CACNA2D3: variants seen among roughly 807,000 people sequenced by gnomAD.
CACNA2D3 encodes the protein voltage-dependent calcium channel subunit alpha-2/delta-3.
In CACNA2D3, 60 loss-of-function variants were observed where a neutral mutation model predicts 160.6. The observed-to-expected ratio is 0.37, with a 90% confidence interval of 0.30 to 0.46. The LOEUF is 0.46. Among genes scored for constraint, CACNA2D3 ranks in the 20% least tolerant of loss-of-function variants. The probability of loss-of-function intolerance (pLI) is 1.00; values close to 1 mark genes in which losing one functional copy is unlikely to be tolerated. For synonymous variants in CACNA2D3, 558 were observed against 492.9 expected, an observed-to-expected ratio of 1.13 and a Z score of -1.75; for missense variants, 1,205 against 1,365.0, an observed-to-expected ratio of 0.88 and a Z score of 1.85.
intron 13 of CACNA2D3, among the ~76,000 whole-genome samples, chr3:54,801,320 G>C (rs1702981555): frequency 6.6e-6 from 1 of 152,114 alleles, no homozygotes; most frequent in Non-Finnish European, 1.5e-5. Flanking sequence ...GTGTTGGCTT[G>C]GCGGGGGTGG....
chr3:54,432,865 A>T (rs989810836), intron 4 of CACNA2D3, among the ~76,000 whole-genome samples: 1 of 152,020 alleles, frequency 6.6e-6, no homozygotes, highest in African/African-American at 2.4e-5. Context: ...TCTGAGTTCC[A>T]ATCTCCATGT....
chr3:54,340,402 T>C (rs1704490178), intron 3 of CACNA2D3, among the ~76,000 whole-genome samples: 1 of 152,214 alleles, frequency 6.6e-6, no homozygotes, highest in South Asian at 2.1e-4. Context: ...TGCAGACTTG[T>C]TATAGTATTT....
intron 35 of CACNA2D3, among the ~76,000 whole-genome samples, chr3:55,043,766 C>T (rs931598990): frequency 3.9e-5 from 6 of 152,086 alleles, no homozygotes; most frequent in South Asian, 2.1e-4. Context: ...ATTTTATACT[C>T]GTCAGCTTTA....
At chr3:54,158,187 T>A (rs2107292844) in intron 2 of CACNA2D3, among the ~76,000 whole-genome samples, 1 of 152,254 alleles carries the variant, frequency 6.6e-6, no homozygotes. Flanking sequence ...GGCATTTTAT[T>A]TGGCCTCTCT....
At chr3:55,069,033 A>G (rs1419801781) in intron 35 of CACNA2D3, among the ~76,000 whole-genome samples, 3 of 152,168 alleles carry the variant, frequency 2.0e-5, no homozygotes, top group Admixed American at 6.5e-5. Flanking sequence ...TTAAATTTTT[A>G]CCCATGTCCT....
At chr3:54,715,990 C>T (rs933611767) in intron 11 of CACNA2D3, among the ~76,000 whole-genome samples, 11 of 151,902 alleles carry the variant, frequency 7.2e-5, no homozygotes, top group Non-Finnish European at 4.4e-5. Context: ...GCAGGGATGG[C>T]GATAGATGTG....
At chr3:54,212,323 T>G (rs755258863) in intron 2 of CACNA2D3, among the ~76,000 whole-genome samples, 1 of 152,102 alleles carries the variant, frequency 6.6e-6, no homozygotes, top group Non-Finnish European at 1.5e-5. Context: ...CAACTCGAAG[T>G]GGTGGGACAA....
At chr3:54,406,348 A>G (rs933608732) in intron 4 of CACNA2D3, among the ~76,000 whole-genome samples, 3 of 152,106 alleles carry the variant, frequency 2.0e-5, no homozygotes, top group African/African-American at 7.2e-5. Flanking sequence ...ATATATATGT[A>G]TATAGTGTGT....
intron 2 of CACNA2D3, among the ~76,000 whole-genome samples, chr3:54,165,600 TAAAA>T (rs373085382): frequency 1.1e-5 from 1 of 93,424 alleles, no homozygotes; most frequent in African/African-American, 4.0e-5. Flanking sequence ...GTTCCATCTC[TAAAA>T]AAAAAAAAAA....
At chr3:54,287,054 T>C (rs867138320) in intron 2 of CACNA2D3, among the ~76,000 whole-genome samples, 5,130 of 151,138 alleles carry the variant, frequency 0.034, 309 homozygotes, top group African/African-American at 0.12. Context: ...ATCATAAGGA[T>C]AGGATCAAAT....
intron 5 of CACNA2D3, among the ~76,000 whole-genome samples, chr3:54,560,086 T>C (rs948542140): frequency 1.8e-4 from 27 of 152,354 alleles, no homozygotes; most frequent in Middle Eastern, 3.4e-3. Flanking sequence ...TTTATACTCC[T>C]TTGAGTATAT....
intron 11 of CACNA2D3, among the ~76,000 whole-genome samples, chr3:54,724,324 C>T (rs935438316): frequency 2.6e-5 from 4 of 152,100 alleles, no homozygotes; most frequent in Non-Finnish European, 5.9e-5. Flanking sequence ...TAGTGGGAGA[C>T]TTTAACACTC....
At chr3:54,498,064 C>G (rs536051828) in intron 4 of CACNA2D3, among the ~76,000 whole-genome samples, 1 of 141,768 alleles carries the variant, frequency 7.1e-6, no homozygotes, top group Non-Finnish European at 1.5e-5. Context: ...TTTTAAAGTT[C>G]TTGTTTGGTG....
intron 17 of CACNA2D3, among the ~76,000 whole-genome samples, chr3:54,871,182 GACACACACACAC>G (rs376258511): frequency 0.077 from 9,817 of 127,682 alleles, 446 homozygotes; most frequent in Non-Finnish European, 0.11. Context: ...TATAGGTGGA[GACACACACACAC>G]ACACACACAC....
At chr3:54,790,049 T>C (rs1439849571) in intron 13 of CACNA2D3, among the ~76,000 whole-genome samples, 2 of 152,258 alleles carry the variant, frequency 1.3e-5, no homozygotes, top group East Asian at 3.9e-4. Flanking sequence ...TTATGTCACT[T>C]ATGGAGTGAT....
chr3:54,838,815 T>A (rs1698752260), intron 16 of CACNA2D3, among the ~76,000 whole-genome samples, 167 bp downstream of exon 16: 1 of 152,246 alleles, frequency 6.6e-6, no homozygotes, highest in African/African-American at 2.4e-5. Flanking sequence ...AAAAGGTTTT[T>A]TTTTTATTAT....
chr3:54,891,607 G>T (rs567599769), intron 25 of CACNA2D3, among the ~76,000 whole-genome samples, 157 bp downstream of exon 25: 1 of 152,178 alleles, frequency 6.6e-6, no homozygotes, highest in African/African-American at 2.4e-5. Flanking sequence ...TACCATGCGG[G>T]CCCCAGCATG....
chr3:54,784,171 TACTC>T (rs1702588290), intron 13 of CACNA2D3, among the ~76,000 whole-genome samples: 1 of 152,160 alleles, frequency 6.6e-6, no homozygotes, highest in Non-Finnish European at 1.5e-5. Context: ...AAGCTTCAAA[TACTC>T]AGTTGAACAA....
At chr3:54,784,495 C>CT (rs1702597094) in intron 13 of CACNA2D3, among the ~76,000 whole-genome samples, 1 of 151,712 alleles carries the variant, frequency 6.6e-6, no homozygotes, top group South Asian at 2.1e-4. Context: ...GTCACTTTGT[C>CT]TTATTAAAGA....
Sources: allele counts gnomAD v4.1 joint callset (sites outside exome capture counted in the v4.1 genomes callset), GRCh38; gene constraint gnomAD v4.1.1; transcripts MANE v1.5; gene names NCBI Gene and HGNC (gene_info 2026-07-23, HGNC 2026-07-21).